The following GNS variants were observed in gnomAD, a reference collection of about 807,000 sequenced individuals.
GNS encodes the protein glucosamine (N-acetyl)-6-sulfatase, also known as N-acetylglucosamine-6-sulfatase.
In GNS, 40 loss-of-function variants were observed where a neutral mutation model predicts 69.7. The ratio of observed to expected loss-of-function variants is 0.57; its 90% CI spans 0.45 to 0.75. The LOEUF is 0.75. GNS is among the 30% of genes least tolerant of loss of function. The probability of loss-of-function intolerance (pLI) is 0.00; values close to 1 mark genes in which losing one functional copy is unlikely to be tolerated. For missense variants in GNS, 565 were observed against 685.5 expected (o/e 0.82, Z 1.96); for synonymous variants, 243 against 251.6 (o/e 0.97, Z 0.32).
chr12:64,758,827 A>T (rs1331349753), intron 1 of GNS, among the ~76,000 whole-genome samples: 1 of 152,156 alleles, frequency 6.6e-6, no homozygotes, highest in African/African-American at 2.4e-5. Flanking sequence ...GTTTATCTTG[A>T]GATATTAACG....
intron 1 of GNS, among the ~76,000 whole-genome samples, chr12:64,754,556 A>AGAG (rs1458047913): frequency 6.6e-6 from 1 of 152,094 alleles, no homozygotes; most frequent in African/African-American, 2.4e-5. Context: ...ATGAGGTCAG[A>AGAG]GAGGCAGGCA....
Position 64,752,746 on chromosome 12 carries a change from CT to C in GNS, c.203del (p.Lys68ArgfsTer12). 1 of 1,505,442 alleles carries C rather than the reference CT, an allele frequency of 6.6e-7. No homozygotes were observed. Among genetic ancestry groups the C allele is most frequent in the Non-Finnish European group, 9.2e-7 (1 of 1,083,122 alleles). 93.3% of individuals were successfully genotyped at this position (1,505,442 alleles called of 1,614,324 possible). On this transcript the variant is annotated frameshift_variant, in exon 2 of 14. Coordinates refer to ENST00000258145, the MANE Select transcript of GNS (RefSeq NM_002076.4). LOFTEE classifies it high-confidence loss of function. ...TCTCTCCGATGAGAGCTTTGGTTTT[CT>C]TTAGCGGTGTCTGTAAAAGTAAGTA... ...DEVLGGMTPLKKTKALIGEMG... is the reference protein window; with the variant it reads ...DEVLGGMTPLXKTKALIGEMG...
At chr12:64,728,754 T>C (rs1477377375) in intron 10 of GNS, among the ~76,000 whole-genome samples, 1 of 152,190 alleles carries the variant, frequency 6.6e-6, no homozygotes, top group East Asian at 1.9e-4. Flanking sequence ...TGGGTGTTCT[T>C]AAAGGAGAGC....
At chr12:64,717,243 T>C (rs1273258690) in intron 13 of GNS, among the ~76,000 whole-genome samples, 2 of 152,180 alleles carry the variant, frequency 1.3e-5, no homozygotes, top group Non-Finnish European at 2.9e-5. Flanking sequence ...CATAAAGTGC[T>C]TCCTTTAAGT....
intron 13 of GNS, 100 bp downstream of exon 13, chr12:64,719,922 G>T (rs1223178819): frequency 1.2e-5 from 10 of 809,894 alleles, no homozygotes; most frequent in African/African-American, 8.4e-5. Flanking sequence ...TAAAGCAGAA[G>T]AATCATCATC....
In GNS at chr12:64,714,729, G is replaced by GT. The variant is rs1475534321; in HGVS notation, c.*2011dup. ...ATATGACATCACAGTCCAAGACCTG[G>GT]TAAGAGTTGGTTTCTTTTTATTTGG... On this transcript the variant is annotated 3_prime_UTR_variant, in exon 14 of 14. Coordinates refer to ENST00000258145, the MANE Select transcript of GNS (RefSeq NM_002076.4). 2 of 152,150 alleles carry GT rather than the reference G, an allele frequency of 1.3e-5. No individual in the cohort carries two copies. The highest frequency in any genetic ancestry group is 4.8e-5 in the African/African-American group (2 of 41,412). 9.4% of individuals were successfully genotyped at this position (152,150 alleles called of 1,614,324 possible).
At chr12:64,756,699 C>G in intron 1 of GNS, 1 of 1,419,034 alleles carries the variant, frequency 7.0e-7, no homozygotes. Flanking sequence ...CTCAAATGCT[C>G]TTGTCCTAGC....
chr12:64,758,598 C>T (rs1870353142), intron 1 of GNS, among the ~76,000 whole-genome samples: 1 of 152,156 alleles, frequency 6.6e-6, no homozygotes, highest in African/African-American at 2.4e-5. Context: ...GCTGGGATTA[C>T]ATGAGTGACA....
intron 10 of GNS, among the ~76,000 whole-genome samples, chr12:64,725,641 A>G (rs946532637): frequency 2.6e-5 from 4 of 152,228 alleles, no homozygotes; most frequent in African/African-American, 9.6e-5. Context: ...AACTGTGCAG[A>G]GAAATTATAC....
Position 64,752,659 on chromosome 12 carries a change from C to T in GNS, c.252+39G>A, listed in dbSNP as rs1338264806. On this transcript the variant is annotated intron_variant, in intron 2 of 13. Coordinates refer to ENST00000258145, the MANE Select transcript of GNS (RefSeq NM_002076.4). The stretch of plus-strand genomic sequence containing the variant: ...AGAGTATCTTCTTAGAATACAAACA[C>T]AGTTAAATTAACAAAATTGAATTAA... 3.0e-6 allele frequency: 3 copies of T among 1,010,038 alleles called. No individual in the cohort carries two copies. The Admixed American group carries it at 5.1e-5, about 17-fold the overall frequency. 62.6% of individuals were successfully genotyped at this position (1,010,038 alleles called of 1,614,324 possible).
intron 13 of GNS, among the ~76,000 whole-genome samples, chr12:64,717,927 A>G (rs989340510): frequency 3.3e-5 from 5 of 152,210 alleles, no homozygotes; most frequent in African/African-American, 9.6e-5. Context: ...GGACTACTGC[A>G]TTTTAGAACT....
chr12:64,718,349 CTT>C (rs1868928171), intron 13 of GNS, among the ~76,000 whole-genome samples: 1 of 152,220 alleles, frequency 6.6e-6, no homozygotes, highest in South Asian at 2.1e-4. Context: ...GCATCTAGCA[CTT>C]TAGTTATAAG....
chr12:64,719,768 C>T (rs1430406360), intron 13 of GNS, among the ~76,000 whole-genome samples: 4 of 152,064 alleles, frequency 2.6e-5, no homozygotes, highest in East Asian at 1.9e-4. Flanking sequence ...AATCACAGCA[C>T]GAAAATAACA....
rs1310226911 is a variant in GNS, at chr12:64,759,167, A to AC, written c.109dup (p.Val37GlyfsTer70). 1.3e-6 allele frequency: 2 copies of AC among 1,553,078 alleles called. No individual in the cohort carries two copies. The highest frequency in any genetic ancestry group is 1.2e-5 in the South Asian group (1 of 84,292). On this transcript the variant is annotated frameshift_variant, in exon 1 of 14. Transcript: ENST00000258145. LOFTEE classifies it high-confidence loss of function. ...CCGGGTTCCCGCAGCCACCCCGAAG[A>AC]CCCCCAGGCAGCCGCCCAGCACCAG...
Position 64,716,824 on chromosome 12 carries a change from G to T in GNS, c.1581-5C>A. 1.9e-6 allele frequency: 3 copies of T among 1,599,148 alleles called. No homozygotes were observed. The highest frequency in any genetic ancestry group is 1.7e-6 in the Non-Finnish European group (2 of 1,166,438). On this transcript the variant is annotated splice_region_variant and splice_polypyrimidine_tract_variant and intron_variant, in intron 13 of 13. Coordinates refer to ENST00000258145, the MANE Select transcript of GNS (RefSeq NM_002076.4). ...AGACGGGGGTCAAACCTGTATCTGG[G>T]GAGGAAAAACCAAATGTAACATTAG... is the stretch of plus-strand genomic sequence containing the variant.
intron 6 of GNS, 102 bp from the exon 7 acceptor site, chr12:64,740,790 T>G: frequency 1.4e-6 from 1 of 718,578 alleles, no homozygotes; most frequent in Non-Finnish European, 2.5e-6. Context: ...TCACTCATAC[T>G]TCAGCAAGAA....
At chr12:64,725,907 A>G (rs1289566109) in intron 10 of GNS, among the ~76,000 whole-genome samples, 1 of 147,978 alleles carries the variant, frequency 6.8e-6, no homozygotes, top group Non-Finnish European at 1.5e-5. Context: ...GAGCCAGGAG[A>G]ATGGCGTGAA....
In GNS at chr12:64,743,283, T is replaced by A; in HGVS notation, c.650A>T (p.Asp217Val). 6.2e-7 allele frequency: 1 copy of A among 1,612,852 alleles called. No individual in the cohort carries two copies. The highest frequency in any genetic ancestry group is 8.5e-7 in the Non-Finnish European group (1 of 1,178,892). ...GAAGGGCTCAAAGTTGGACTTGTAG[T>A]CCAGAAAGTCCAAGGAGACATTAGC... ...VLANVSLDFL[D>V]YKSNFEPFFM... The change falls in exon 6 of 14, where the codon GAC becomes GTC. Residue 217 changes from aspartate to valine, a missense_variant. Asp to Val is a radical substitution (Grantham distance 152). Coordinates refer to ENST00000258145, the MANE Select transcript of GNS (RefSeq NM_002076.4).
intron 13 of GNS, among the ~76,000 whole-genome samples, chr12:64,719,557 C>A (rs1868960174): frequency 6.6e-6 from 1 of 152,158 alleles, no homozygotes; most frequent in African/African-American, 2.4e-5. Flanking sequence ...TGAGTTTACA[C>A]CTTCTATTTT....
Sources: gnomAD v4.1 joint callset for allele counts (sites outside exome capture counted in the v4.1 genomes callset) on GRCh38, gnomAD v4.1.1 for gene constraint, MANE v1.5 for transcripts, NCBI Gene and HGNC (gene_info 2026-07-23, HGNC 2026-07-21) for gene names.